ART3: variants seen among roughly 807,000 people sequenced by gnomAD.
ART3 encodes ecto-ADP-ribosyltransferase 3.
A neutral mutation model predicts 48.5 loss-of-function variants in ART3; 49 were observed. The observed-to-expected ratio is 1.01, with a 90% confidence interval of 0.80 to 1.28. The LOEUF (loss-of-function observed/expected upper bound fraction) is 1.28. ART3 is among the 50% of genes most tolerant of loss of function. ART3 has a pLI of 0.00. For synonymous variants in ART3, 145 were observed against 157.2 expected, an observed-to-expected ratio of 0.92 and a Z score of 0.58; for missense variants, 438 against 454.3, an observed-to-expected ratio of 0.96 and a Z score of 0.33.
chr4:76,100,301 C>A lies in ART3; in HGVS notation c.858C>A (p.Asn286Lys), dbSNP rs193206840. Reference sequence around the variant, plus strand: ...TTTTCTGTGACTCAGGTGAGAAAAACCAGAAGCTTGAAGACCATAGTAAGA... The same window carrying A: ...TTTTCTGTGACTCAGGTGAGAAAAAACAGAAGCTTGAAGACCATAGTAAGA... ...PIYVYNPGEK[N>K]QKLEDHSEKN... The change falls in exon 6 of 12, where the codon AAC becomes AAA. Residue 286 changes from asparagine (N) to lysine (K), a missense_variant. Coordinates refer to ENST00000355810, the MANE Select transcript of ART3 (RefSeq NM_001130016.3). 3.1e-6 allele frequency: 5 copies of A among 1,612,328 alleles called. No homozygotes were observed. The East Asian group carries it at 1.1e-4, about 36-fold the overall frequency.
intron 4 of ART3, among the ~76,000 whole-genome samples, chr4:76,098,426 A>G (rs961639679): frequency 2.6e-5 from 4 of 152,182 alleles, no homozygotes; most frequent in African/African-American, 9.7e-5. Context: ...AAGAGAGAGA[A>G]AAAAAGTTCA....
chr4:76,099,156 G>T lies in ART3; in HGVS notation c.847+169G>T, dbSNP rs1051264131. 1.6e-5 allele frequency: 10 copies of T among 619,538 alleles called. No individual in the cohort carries two copies. The East Asian group carries it at 3.3e-4, about 20-fold the overall frequency. The allele number at this position is 619,538 out of a possible 1,614,324, so 38.4% of individuals were successfully genotyped here. On this transcript the variant is annotated intron_variant, in intron 5 of 11. Transcript: ENST00000355810. ...ATCTCTACAAAAAATACAAAACTTAGCCAGGCATGGTGGTGTGCACCTGTA... is the reference window on the plus strand; with the variant it reads ...ATCTCTACAAAAAATACAAAACTTATCCAGGCATGGTGGTGTGCACCTGTA...
chr4:76,060,125 G>A (rs1719063908), intron 1 of ART3, among the ~76,000 whole-genome samples: 1 of 152,104 alleles, frequency 6.6e-6, no homozygotes, highest in Non-Finnish European at 1.5e-5. Context: ...GTAGTTCCTG[G>A]TTTATAAAGT....
rs759771416 is a variant in ART3, at chr4:76,082,071, A to G, written c.317A>G (p.Gln106Arg). 1.9e-6 allele frequency: 3 copies of G among 1,614,176 alleles called. No individual in the cohort carries two copies. The highest frequency in any genetic ancestry group is 1.7e-6 in the Non-Finnish European group (2 of 1,179,994). Residue 106 changes from glutamine to arginine, a missense_variant, in exon 3 of 12, where the codon CAA becomes CGA. This residue lies in a region of ART3 where 206 missense variants were observed against 205.3 expected (regional missense o/e 1.00). Coordinates refer to ENST00000355810, the MANE Select transcript of ART3 (RefSeq NM_001130016.3). ...IALMAYISEA[Q>R]EQTPFYHLFS... ...CTGATGGCATATATTTCCGAAGCTC[A>G]AGAGCAAACTCCCTTTTACCATCTG...
At chr4:76,100,590 C>T (rs997200274) in intron 6 of ART3, among the ~76,000 whole-genome samples, 2 of 146,450 alleles carry the variant, frequency 1.4e-5, no homozygotes, top group African/African-American at 5.1e-5. Context: ...GAGATCGTGC[C>T]ACAGCACTGT....
At chr4:76,075,008 AAAC>A (rs1241831884) in intron 1 of ART3, among the ~76,000 whole-genome samples, 189 bp downstream of exon 1, 1 of 152,192 alleles carries the variant, frequency 6.6e-6, no homozygotes, top group Non-Finnish European at 1.5e-5. Context: ...TTTTTAGTAA[AAAC>A]AAAACAAAAC....
chr4:76,012,921 T>C (rs1415681100), intron 1 of ART3, among the ~76,000 whole-genome samples: 1 of 152,220 alleles, frequency 6.6e-6, no homozygotes, highest in East Asian at 1.9e-4. Context: ...AAATCCACAT[T>C]CTTAAAAATC....
In ART3 at chr4:76,112,628, T is replaced by G; in HGVS notation, c.*109T>G. 2.4e-6 allele frequency: 3 copies of G among 1,258,540 alleles called. No homozygotes were observed. Among genetic ancestry groups the G allele is most frequent in the Non-Finnish European group, 2.1e-6 (2 of 932,794 alleles). The allele number at this position is 1,258,540 out of a possible 1,614,324, so 78.0% of individuals were successfully genotyped here. On this transcript the variant is annotated 3_prime_UTR_variant, in exon 12 of 12. Transcript: ENST00000355810. ...TTACGTGTTGGCCAAAGTCACTGGA[T>G]AAAATGAGAATTGTATATTTGTTAT...
chr4:76,027,923 G>A (rs78347618), intron 1 of ART3, among the ~76,000 whole-genome samples: 91,732 of 150,484 alleles, frequency 0.61, 28,979 homozygotes, highest in East Asian at 0.94. Context: ...CCAAATCTCA[G>A]ATAGACTAAG....
At chr4:76,049,805 G>A (rs1414879839) in intron 1 of ART3, among the ~76,000 whole-genome samples, 1 of 151,996 alleles carries the variant, frequency 6.6e-6, no homozygotes, top group Non-Finnish European at 1.5e-5. Context: ...GTCCGGAATT[G>A]GTGGGTTCTT....
At chr4:76,036,551 C>A (rs376868093) in intron 1 of ART3, among the ~76,000 whole-genome samples, 13 of 152,094 alleles carry the variant, frequency 8.5e-5, no homozygotes, top group African/African-American at 2.4e-4. Flanking sequence ...CATATTTTTA[C>A]CTGTAAATGA....
chr4:76,064,557 T>A (rs925564189), intron 1 of ART3, among the ~76,000 whole-genome samples: 1 of 152,198 alleles, frequency 6.6e-6, no homozygotes, highest in African/African-American at 2.4e-5. Flanking sequence ...TACTTTTGAT[T>A]TTTAATTTTA....
chr4:76,064,657 A>G (rs1719538940), intron 1 of ART3, among the ~76,000 whole-genome samples: 1 of 152,156 alleles, frequency 6.6e-6, no homozygotes, highest in African/African-American at 2.4e-5. Context: ...CTACTGATGG[A>G]AGCTGGGAGG....
chr4:76,035,251 C>T lies in ART3; in HGVS notation c.-10+23931C>T, dbSNP rs774584794. 12 of 1,613,946 alleles carry T rather than the reference C, an allele frequency of 7.4e-6. No homozygotes were observed. The East Asian group carries it at 1.1e-4, about 15-fold the overall frequency. On this transcript the variant is annotated intron_variant, in intron 1 of 9. Coordinates refer to the ART3 transcript ENST00000341029. The stretch of plus-strand genomic sequence containing the variant: ...TTTTGTCACAGTTGTTACTTGGGTA[C>T]ATTATGGAGGCTTTCTCAATATCTG...
chr4:76,081,658 T>C (rs747729582), intron 2 of ART3, among the ~76,000 whole-genome samples, 166 bp from the exon 3 acceptor site: 2 of 152,202 alleles, frequency 1.3e-5, no homozygotes, highest in Non-Finnish European at 2.9e-5. Flanking sequence ...AGAAAAGTTA[T>C]CAATAGCAAT....
chr4:76,079,040 C>T (rs1418053532), intron 2 of ART3, among the ~76,000 whole-genome samples: 2 of 152,082 alleles, frequency 1.3e-5, no homozygotes, highest in Non-Finnish European at 2.9e-5. Flanking sequence ...GAAATAGTGC[C>T]ACTGCACTCC....
intron 8 of ART3, 39 bp from the exon 9 acceptor site, chr4:76,103,898 A>T: frequency 6.3e-7 from 1 of 1,589,780 alleles, no homozygotes; most frequent in Non-Finnish European, 8.6e-7. Context: ...AGTATAAGAT[A>T]ACTGATTAAT....
At chr4:76,049,768 A>G (rs944828884) in intron 1 of ART3, among the ~76,000 whole-genome samples, 2 of 152,024 alleles carry the variant, frequency 1.3e-5, no homozygotes, top group East Asian at 1.9e-4. Context: ...GCGATAGGCG[A>G]AAGTCCCTTC....
chr4:76,097,618 A>G, intron 3 of ART3, 26 bp from the exon 4 acceptor site: 1 of 1,586,960 alleles, frequency 6.3e-7, no homozygotes, highest in Non-Finnish European at 8.7e-7. Flanking sequence ...ATGTCTAACT[A>G]ATAAAGCTTT....
Sources: gnomAD v4.1 joint callset for allele counts (sites outside exome capture counted in the v4.1 genomes callset) on GRCh38, gnomAD v4.1.1 for gene constraint, gnomAD v4.1.1 regional missense constraint, MANE v1.5 for transcripts, NCBI Gene and HGNC (gene_info 2026-07-23, HGNC 2026-07-21) for gene names.